The following SLC24A2 variants were observed in gnomAD, a reference collection of about 807,000 sequenced individuals.
SLC24A2 encodes the protein sodium/potassium/calcium exchanger 2.
In SLC24A2, 36 loss-of-function variants were observed where a neutral mutation model predicts 62.0. The ratio of observed to expected loss-of-function variants is 0.58; its 90% CI spans 0.44 to 0.77. The LOEUF (loss-of-function observed/expected upper bound fraction) is 0.77, where lower values mean the gene tolerates loss of function less well. SLC24A2 is among the 30% of genes least tolerant of loss of function. The pLI is 0.00. For synonymous variants in SLC24A2, 358 were observed against 294.0 expected, an observed-to-expected ratio of 1.22 and a Z score of -2.23; for missense variants, 846 against 817.9, an observed-to-expected ratio of 1.03 and a Z score of -0.42.
chr9:19,991,900 G>A, the SLC24A2 span, among the ~76,000 whole-genome samples: 1 of 152,288 alleles, frequency 6.6e-6, no homozygotes, highest in African/African-American at 2.4e-5. Flanking sequence ...GAGGAGGGCA[G>A]AGACCCTAGA....
the SLC24A2 span, among the ~76,000 whole-genome samples, chr9:20,227,687 C>A: frequency 6.6e-6 from 1 of 152,054 alleles, no homozygotes; most frequent in Admixed American, 6.6e-5. Flanking sequence ...TATTTCAGAA[C>A]AGTCTAGGCA....
At chr9:20,112,627 C>T in the SLC24A2 span, among the ~76,000 whole-genome samples, 1 of 152,000 alleles carries the variant, frequency 6.6e-6, no homozygotes, top group Non-Finnish European at 1.5e-5. Flanking sequence ...CAATAATAAC[C>T]CCAGGGTGTC....
chr9:19,957,146 A>G, the SLC24A2 span, among the ~76,000 whole-genome samples: 9 of 152,342 alleles, frequency 5.9e-5, no homozygotes, highest in Admixed American at 3.9e-4. Context: ...ATTACTGCTG[A>G]GGTTATTTAG....
chr9:20,027,951 A>G, the SLC24A2 span, among the ~76,000 whole-genome samples: 2 of 152,174 alleles, frequency 1.3e-5, no homozygotes, highest in Admixed American at 6.5e-5. Flanking sequence ...CAGTGATACA[A>G]TAAGTAAAGA....
chr9:20,226,698 C>T, the SLC24A2 span, among the ~76,000 whole-genome samples: 1 of 151,988 alleles, frequency 6.6e-6, no homozygotes, highest in South Asian at 2.1e-4. Context: ...ATTCATATTC[C>T]TGTCTCGTCA....
the SLC24A2 span, among the ~76,000 whole-genome samples, chr9:20,266,442 AC>A: frequency 6.6e-6 from 1 of 152,018 alleles, no homozygotes; most frequent in African/African-American, 2.4e-5. Flanking sequence ...TCAAGACCTA[AC>A]TCATTCTCCA....
chr9:19,707,551 C>A lies in SLC24A2; in HGVS notation c.930+78386G>T, dbSNP rs577736323. Among the ~76,000 whole-genome samples the A allele has an allele frequency of 3.3e-3, 500 of 152,302 alleles. 2 individuals carry two copies. Among genetic ancestry groups the A allele is most frequent in the Admixed American group, 6.0e-3 (92 of 15,298 alleles). On this transcript the variant is annotated intron_variant, in intron 2 of 10. Transcript: ENST00000341998. ...TCCAGCAGCACATCAAAAAGCTTAT[C>A]CACCATGATCAAGTGGGCTTCATCC...
rs538401989 is a variant in SLC24A2 at position 19,572,130 on chromosome 9, G to T, written c.1347+1221C>A. ...AAAATGCAAAAAAAAAAAATTAGCC[G>T]GGTGTGGTGGTGCGAGCTACTCAGG... On this transcript the variant is annotated intron_variant, in intron 7 of 10. Coordinates refer to ENST00000341998, the MANE Select transcript of SLC24A2 (RefSeq NM_020344.4). 2.5e-4 allele frequency among the ~76,000 whole-genome samples: 38 copies of T among 151,698 alleles called. 1 individual carries two copies. The highest frequency in any genetic ancestry group is 4.6e-4 in the Non-Finnish European group (31 of 67,892).
At chr9:19,582,950 G>A (rs1166575684) in intron 5 of SLC24A2, among the ~76,000 whole-genome samples, 1 of 151,868 alleles carries the variant, frequency 6.6e-6, no homozygotes, top group Non-Finnish European at 1.5e-5. Flanking sequence ...AGTCACATAG[G>A]AATAATTCTG....
At chr9:19,660,046 AAAAG>A (rs1819051441) in intron 2 of SLC24A2, among the ~76,000 whole-genome samples, 1 of 152,196 alleles carries the variant, frequency 6.6e-6, no homozygotes, top group Non-Finnish European at 1.5e-5. Context: ...TCCCAGATGC[AAAAG>A]AAAGAGAAAG....
At chr9:19,753,467 A>G in intron 2 of SLC24A2, among the ~76,000 whole-genome samples, 1 of 152,220 alleles carries the variant, frequency 6.6e-6, no homozygotes, top group East Asian at 1.9e-4. Flanking sequence ...GTTCATTTTC[A>G]TACAGTTGGG....
At chr9:19,649,631 G>C (rs964697553) in intron 2 of SLC24A2, among the ~76,000 whole-genome samples, 9 of 152,104 alleles carry the variant, frequency 5.9e-5, no homozygotes, top group African/African-American at 2.2e-4. Flanking sequence ...GGTTTCATTT[G>C]GTCACCAGTA....
intron 2 of SLC24A2, among the ~76,000 whole-genome samples, chr9:19,691,107 A>G (rs986115420): frequency 1.3e-5 from 2 of 152,176 alleles, no homozygotes; most frequent in Non-Finnish European, 2.9e-5. Flanking sequence ...ATTTTAGTCC[A>G]CTGGCAACAC....
At chr9:19,880,044 A>T in the SLC24A2 span, among the ~76,000 whole-genome samples, 1 of 152,208 alleles carries the variant, frequency 6.6e-6, no homozygotes, top group African/African-American at 2.4e-5. Flanking sequence ...AGGAGTTCCT[A>T]GAGTCAAAAT....
At chr9:19,543,356 T>C (rs912136277) in intron 8 of SLC24A2, among the ~76,000 whole-genome samples, 1 of 151,804 alleles carries the variant, frequency 6.6e-6, no homozygotes, top group African/African-American at 2.4e-5. Context: ...ATCCATTTTT[T>C]GATCTTTTCA....
chr9:20,047,065 G>C, the SLC24A2 span, among the ~76,000 whole-genome samples: 84 of 152,172 alleles, frequency 5.5e-4, 1 homozygote, highest in East Asian at 0.016. Flanking sequence ...GTTTGGGAAG[G>C]AGCCGGGTTC....
chr9:19,628,379 C>T (rs1165474316), intron 2 of SLC24A2, among the ~76,000 whole-genome samples: 1 of 152,154 alleles, frequency 6.6e-6, no homozygotes, highest in East Asian at 1.9e-4. Context: ...TAATCCTCAT[C>T]TTACAAATGG....
chr9:20,135,019 G>A, the SLC24A2 span, among the ~76,000 whole-genome samples: 2 of 152,134 alleles, frequency 1.3e-5, no homozygotes, highest in Non-Finnish European at 2.9e-5. Flanking sequence ...TGGTGGCAGG[G>A]TACATTTATT....
chr9:19,637,991 G>A (rs1333666507), intron 2 of SLC24A2, among the ~76,000 whole-genome samples: 1 of 152,140 alleles, frequency 6.6e-6, no homozygotes, highest in East Asian at 1.9e-4. Context: ...GAAATCAATA[G>A]CACTTAGCAT....
Sources: gnomAD v4.1 joint callset for allele counts (sites outside exome capture counted in the v4.1 genomes callset) on GRCh38, gnomAD v4.1.1 for gene constraint, MANE v1.5 for transcripts, NCBI Gene and HGNC (gene_info 2026-07-23, HGNC 2026-07-21) for gene names.